The following SHC4 variants were observed in gnomAD, a reference collection of about 807,000 sequenced individuals.
SHC4 encodes SHC adaptor protein 4.
SHC4 carries 41 observed loss-of-function variants against 69.4 expected under a neutral mutation model. The observed-to-expected ratio is 0.59, with a 90% confidence interval of 0.46 to 0.77. The LOEUF (loss-of-function observed/expected upper bound fraction) is 0.77, where lower values mean the gene tolerates loss of function less well. Among genes scored for constraint, SHC4 ranks in the 30% least tolerant of loss-of-function variants. The pLI is 0.00. For synonymous variants in SHC4, 318 were observed against 299.3 expected (o/e 1.06, Z -0.64); for missense variants, 777 against 783.8 (o/e 0.99, Z 0.10).
Position 48,934,027 on chromosome 15 carries a change from G to T in SHC4, c.586-9078C>A, listed in dbSNP as rs117349030. Among the ~76,000 whole-genome samples, 549 of 152,130 alleles carry T rather than the reference G, an allele frequency of 3.6e-3. 3 individuals carry two copies. The highest frequency in any genetic ancestry group is 5.4e-3 in the Non-Finnish European group (369 of 67,972). ...ATCACAGGACCTCAGAATAGGCAAT[G>T]GTTTCTTAGATATGACACCGAAAGC... On this transcript the variant is annotated intron_variant, in intron 1 of 11. Transcript: ENST00000332408.
At chr15:48,887,535 T>C (rs1382068761) in intron 3 of SHC4, among the ~76,000 whole-genome samples, 2 of 152,076 alleles carry the variant, frequency 1.3e-5, no homozygotes, top group Non-Finnish European at 2.9e-5. Flanking sequence ...AAATCATAGA[T>C]ATAAACACTT....
At chr15:48,907,812 ATATG>A (rs1336487668) in intron 2 of SHC4, among the ~76,000 whole-genome samples, 2 of 142,494 alleles carry the variant, frequency 1.4e-5, no homozygotes, top group African/African-American at 2.7e-5. Flanking sequence ...GAATGAATGA[ATATG>A]TGTGTGTGTG....
At chr15:48,858,110 A>G (rs1481533062) in intron 6 of SHC4, among the ~76,000 whole-genome samples, 1 of 152,180 alleles carries the variant, frequency 6.6e-6, no homozygotes, top group African/African-American at 2.4e-5. Context: ...TAATAATGTG[A>G]CTAATGTTTA....
intron 2 of SHC4, among the ~76,000 whole-genome samples, chr15:48,910,239 C>G (rs919058465): frequency 2.0e-5 from 3 of 151,976 alleles, no homozygotes; most frequent in Non-Finnish European, 2.9e-5. Context: ...AATCTCGCTG[C>G]TTGTTATTGG....
chr15:48,913,657 G>C (rs1445433900), intron 2 of SHC4, among the ~76,000 whole-genome samples: 20 of 152,144 alleles, frequency 1.3e-4, no homozygotes, highest in Admixed American at 1.3e-3. Flanking sequence ...AGTTCTACTA[G>C]AGAATTCCTT....
At chr15:48,837,477 C>T (rs1221972395) in intron 10 of SHC4, among the ~76,000 whole-genome samples, 1 of 152,156 alleles carries the variant, frequency 6.6e-6, no homozygotes, top group Non-Finnish European at 1.5e-5. Flanking sequence ...CACTGTGGTA[C>T]ATTATCTATT....
chr15:48,867,255 A>C (rs1182230185), intron 6 of SHC4, among the ~76,000 whole-genome samples: 1 of 152,220 alleles, frequency 6.6e-6, no homozygotes, highest in Non-Finnish European at 1.5e-5. Context: ...GTGGAGTGTT[A>C]ATGAAAAGAG....
At chr15:48,929,157 A>T (rs1165789745) in intron 1 of SHC4, among the ~76,000 whole-genome samples, 1 of 152,168 alleles carries the variant, frequency 6.6e-6, no homozygotes, top group Non-Finnish European at 1.5e-5. Context: ...CGTGGTGAGG[A>T]AGCGGGGAGG....
At chr15:48,879,315 T>G (rs1219966590) in intron 4 of SHC4, 2 of 167,310 alleles carry the variant, frequency 1.2e-5, no homozygotes, top group African/African-American at 4.8e-5. Flanking sequence ...GTGCTTTGTA[T>G]CTTAAGATGT....
At chr15:48,939,982 G>T (rs1366141931) in intron 1 of SHC4, among the ~76,000 whole-genome samples, 1 of 152,248 alleles carries the variant, frequency 6.6e-6, no homozygotes, top group Admixed American at 6.5e-5. Context: ...GAGATGCCAA[G>T]AGGCGGCAGC....
chr15:48,960,262 G>T (rs1464144786), intron 1 of SHC4, among the ~76,000 whole-genome samples: 1 of 152,176 alleles, frequency 6.6e-6, no homozygotes, highest in East Asian at 1.9e-4. Flanking sequence ...AATTGTACAG[G>T]TGTGTGGGTA....
intron 2 of SHC4, among the ~76,000 whole-genome samples, chr15:48,910,990 G>A (rs183145122): frequency 6.6e-6 from 1 of 152,194 alleles, no homozygotes; most frequent in East Asian, 1.9e-4. Context: ...TCTATCTCAT[G>A]GTCTATCTTG....
At chr15:48,876,681 G>A in intron 4 of SHC4, 2 of 617,064 alleles carry the variant, frequency 3.2e-6, no homozygotes, top group South Asian at 1.8e-5. Context: ...AAAGATTTAG[G>A]CTGGGAGGCT....
chr15:48,899,492 T>TAAAC (rs756730744), intron 2 of SHC4, among the ~76,000 whole-genome samples: 6 of 151,700 alleles, frequency 4.0e-5, no homozygotes, highest in Admixed American at 1.3e-4. Flanking sequence ...AATAAATAAA[T>TAAAC]AAACAAACAG....
At chr15:48,867,559 C>A (rs1899586732) in intron 6 of SHC4, among the ~76,000 whole-genome samples, 3 of 152,172 alleles carry the variant, frequency 2.0e-5, no homozygotes, top group Admixed American at 1.3e-4. Flanking sequence ...TCTATCATAA[C>A]CATAATAGCT....
intron 1 of SHC4, among the ~76,000 whole-genome samples, chr15:48,929,194 A>G (rs1675495161): frequency 2.0e-5 from 3 of 152,164 alleles, no homozygotes; most frequent in Admixed American, 2.0e-4. Context: ...TACTCTGTCC[A>G]CTTCTTTCTT....
At chr15:48,910,238 G>T (rs1396309993) in intron 2 of SHC4, among the ~76,000 whole-genome samples, 1 of 151,952 alleles carries the variant, frequency 6.6e-6, no homozygotes, top group East Asian at 1.9e-4. Flanking sequence ...CAATCTCGCT[G>T]CTTGTTATTG....
intron 1 of SHC4, among the ~76,000 whole-genome samples, chr15:48,955,878 C>T (rs1039079537): frequency 6.6e-6 from 1 of 152,178 alleles, no homozygotes; most frequent in African/African-American, 2.4e-5. Flanking sequence ...CTGGGCTCCA[C>T]CACTGGTAGA....
intron 1 of SHC4, among the ~76,000 whole-genome samples, chr15:48,941,474 A>T (rs1251882878): frequency 2.0e-5 from 3 of 152,170 alleles, no homozygotes; most frequent in African/African-American, 7.2e-5. Context: ...GAGGGGCAAG[A>T]TAAGCTTAGG....
Sources: allele counts gnomAD v4.1 joint callset (sites outside exome capture counted in the v4.1 genomes callset), GRCh38; gene constraint gnomAD v4.1.1; transcripts MANE v1.5; gene names NCBI Gene and HGNC (gene_info 2026-07-23, HGNC 2026-07-21).